The following CUL1 variants were observed in gnomAD, a reference collection of about 807,000 sequenced individuals.
The protein encoded by CUL1 is cullin-1.
Under a neutral mutation model 118.0 loss-of-function variants are expected in CUL1, and 24 were observed. That is an observed-to-expected ratio of 0.20 (90% confidence interval 0.15 to 0.29). The LOEUF (loss-of-function observed/expected upper bound fraction) is 0.29. Among genes scored for constraint, CUL1 ranks in the 10% least tolerant of loss-of-function variants. The pLI, the probability that CUL1 is intolerant of heterozygous loss-of-function variation, is 1.00. For synonymous variants in CUL1, 332 were observed against 340.4 expected, an observed-to-expected ratio of 0.98 and a Z score of 0.27; for missense variants, 361 against 933.8, an observed-to-expected ratio of 0.39 and a Z score of 7.99.
chr7:148,762,150 A>G (rs1206604839), intron 7 of CUL1, among the ~76,000 whole-genome samples: 1 of 152,144 alleles, frequency 6.6e-6, no homozygotes, highest in Non-Finnish European at 1.5e-5. Context: ...CAAGCCTGAC[A>G]CCTGCTTGCC....
chr7:148,754,818 G>T (rs1363062594), intron 3 of CUL1, among the ~76,000 whole-genome samples: 1 of 151,414 alleles, frequency 6.6e-6, no homozygotes, highest in Admixed American at 6.6e-5. Flanking sequence ...GCAATCATAG[G>T]TCATTGCAGC....
At chr7:148,725,221 TCACACACACACA>T (rs1164701228) in intron 1 of CUL1, among the ~76,000 whole-genome samples, 1 of 145,388 alleles carries the variant, frequency 6.9e-6, no homozygotes, top group South Asian at 2.2e-4. Context: ...ACGCGCGCGC[TCACACACACACA>T]CACACACACA....
chr7:148,715,175 G>A (rs1319435181), intron 1 of CUL1, among the ~76,000 whole-genome samples: 1 of 152,176 alleles, frequency 6.6e-6, no homozygotes. Context: ...ATGGTGAATG[G>A]GGTAATAAGT....
intron 14 of CUL1, among the ~76,000 whole-genome samples, chr7:148,789,337 A>C (rs937922176): frequency 4.6e-5 from 7 of 152,204 alleles, no homozygotes; most frequent in African/African-American, 1.7e-4. Flanking sequence ...TAAGTGAAAC[A>C]TACACTATAA....
chr7:148,786,863 G>A, intron 12 of CUL1, 126 bp from the exon 13 acceptor site: 1 of 1,263,130 alleles, frequency 7.9e-7, no homozygotes. Flanking sequence ...CATAAACGTT[G>A]GCGTACAGAC....
intron 7 of CUL1, among the ~76,000 whole-genome samples, chr7:148,764,728 A>G (rs1157625415): frequency 6.6e-6 from 1 of 152,240 alleles, no homozygotes; most frequent in Non-Finnish European, 1.5e-5. Flanking sequence ...ATTAGATATA[A>G]AGCAGCATTT....
chr7:148,763,880 C>G (rs1272191625), intron 7 of CUL1, among the ~76,000 whole-genome samples: 1 of 152,178 alleles, frequency 6.6e-6, no homozygotes, highest in Non-Finnish European at 1.5e-5. Flanking sequence ...CAAATTCTAG[C>G]CAGTTGAGAG....
At chr7:148,751,222 G>A (rs1563158902) in intron 2 of CUL1, among the ~76,000 whole-genome samples, 1 of 152,016 alleles carries the variant, frequency 6.6e-6, no homozygotes, top group Admixed American at 6.6e-5. Flanking sequence ...ACCAGCCAGG[G>A]CAACATAGCA....
intron 1 of CUL1, among the ~76,000 whole-genome samples, chr7:148,708,416 C>G (rs181696726): frequency 2.0e-5 from 3 of 152,210 alleles, no homozygotes; most frequent in Non-Finnish European, 2.9e-5. Context: ...TAGTTCCTCC[C>G]CCATAACACT....
rs555592671 is a variant in CUL1, at chr7:148,790,252, C to T, written c.1675-58C>T. 3.8e-5 allele frequency: 60 copies of T among 1,575,396 alleles called. No homozygotes were observed. The Admixed American group carries it at 6.2e-4, about 16-fold the overall frequency. ...TGGAACAGTGGGCTTTACTTAGAAA[C>T]GCTGCCTGTAGGATGTGGTGAGATC... is the stretch of plus-strand genomic sequence containing the variant. On this transcript the variant is annotated intron_variant, in intron 15 of 21. Coordinates refer to ENST00000325222, the MANE Select transcript of CUL1 (RefSeq NM_003592.3).
Position 148,773,252 on chromosome 7 carries a change from C to A in CUL1, c.1083+5503C>A, listed in dbSNP as rs530654709. Among the ~76,000 whole-genome samples the A allele has an allele frequency of 3.4e-4, 51 of 152,090 alleles. 1 individual carries two copies. The South Asian group carries it at 0.011, about 32-fold the overall frequency. On this transcript the variant is annotated intron_variant, in intron 9 of 21. Coordinates refer to ENST00000325222, the MANE Select transcript of CUL1 (RefSeq NM_003592.3). ...CTAATTAGCCCACATTTTCATGAAC[C>A]CTGTCTTCCAGTGAAACTATTATAA...
At chr7:148,702,220 A>T (rs1797742221) in intron 1 of CUL1, among the ~76,000 whole-genome samples, 1 of 152,238 alleles carries the variant, frequency 6.6e-6, no homozygotes, top group Admixed American at 6.5e-5. Context: ...ATAACATTTA[A>T]TGACTTAAGT....
At chr7:148,724,580 T>G (rs1382718689) in intron 1 of CUL1, among the ~76,000 whole-genome samples, 1 of 152,176 alleles carries the variant, frequency 6.6e-6, no homozygotes, top group East Asian at 1.9e-4. Flanking sequence ...CTTGGTTTCC[T>G]GTCAAGAAAA....
Position 148,739,210 on chromosome 7 carries a change from G to A in CUL1, c.140+8948G>A, listed in dbSNP as rs538686754. ...CTCATACCAGTGAGGTGTGAGGAGG[G>A]GCTGGTGGCCTGGACAGATCTCCCT... On this transcript the variant is annotated intron_variant, in intron 2 of 21. Transcript: ENST00000325222. Among the ~76,000 whole-genome samples the A allele has an allele frequency of 1.2e-3, 189 of 152,296 alleles. 2 individuals carry two copies. Among genetic ancestry groups the A allele is most frequent in the Non-Finnish European group, 8.4e-4 (57 of 68,030 alleles).
intron 2 of CUL1, among the ~76,000 whole-genome samples, chr7:148,750,993 A>C (rs1219869598): frequency 1.3e-5 from 2 of 151,948 alleles, no homozygotes; most frequent in East Asian, 1.9e-4. Context: ...TTAAAAAAAA[A>C]AAAAAACAAA....
chr7:148,782,029 C>A (rs891046775), intron 9 of CUL1, among the ~76,000 whole-genome samples: 1 of 152,122 alleles, frequency 6.6e-6, no homozygotes, highest in Non-Finnish European at 1.5e-5. Flanking sequence ...TTACCGTATT[C>A]GAAAACTACC....
chr7:148,759,942 C>G (rs1336504394), intron 6 of CUL1, among the ~76,000 whole-genome samples: 2 of 152,040 alleles, frequency 1.3e-5, no homozygotes, highest in East Asian at 3.9e-4. Context: ...AACCAGAAAT[C>G]TATATCAGCT....
Position 148,800,772 on chromosome 7 carries a change from G to T in CUL1, c.*190G>T. The T allele has an allele frequency of 1.9e-6, 1 of 540,008 alleles. No homozygotes were observed. Among genetic ancestry groups the T allele is most frequent in the Non-Finnish European group, 3.3e-6 (1 of 304,236 alleles). The allele number at this position is 540,008 out of a possible 1,614,324, so 33.5% of individuals were successfully genotyped here. A position where few individuals can be genotyped will look rare whatever the true frequency, so the allele number is the denominator to read the frequency against. On this transcript the variant is annotated 3_prime_UTR_variant, in exon 22 of 22. Coordinates refer to ENST00000325222, the MANE Select transcript of CUL1 (RefSeq NM_003592.3). This position sits in a 1 kb window ranked among gnomAD's most constrained non-coding sequence, Gnocchi z 4.6. ...CTCAGGATTGATACATTTCAAGTCT[G>T]TAAATACGGACACCAACGCCATTTA...
At position 148,797,835 on chromosome 7, in the gene CUL1, G is replaced by A. The variant is rs1801258509; in HGVS notation, c.1923G>A (p.Gln641=). ...IKMDILAQVL[Q]ILLKSKLLVL... is the part of the protein sequence containing the mutation. ...AGGACATTTTGGCGCAAGTTTTACA[G>A]ATTTTATTAAAGTCGAAGCTATTGG... Residue 641 remains glutamine (Q), a synonymous_variant, in exon 18 of 22, where the codon CAG becomes CAA. Coordinates refer to ENST00000325222, the MANE Select transcript of CUL1 (RefSeq NM_003592.3). 2 of 1,613,214 alleles carry A rather than the reference G, an allele frequency of 1.2e-6. No homozygotes were observed. The highest frequency in any genetic ancestry group is 1.3e-5 in the African/African-American group (1 of 74,790).
Sources: gnomAD v4.1 joint callset for allele counts (sites outside exome capture counted in the v4.1 genomes callset) on GRCh38, gnomAD v4.1.1 for gene constraint, Gnocchi (gnomAD v3.1) non-coding constraint, MANE v1.5 for transcripts, NCBI Gene and HGNC (gene_info 2026-07-23, HGNC 2026-07-21) for gene names.